The following CSMD3 variants were observed in gnomAD, a reference collection of about 807,000 sequenced individuals.
CSMD3 encodes the protein CUB and sushi domain-containing protein 3.
A neutral mutation model predicts 435.2 loss-of-function variants in CSMD3; 177 were observed. That is an observed-to-expected ratio of 0.41 (90% CI 0.36 to 0.46). CSMD3 has a LOEUF of 0.46. Among genes scored for constraint, CSMD3 ranks in the 20% least tolerant of loss-of-function variants. CSMD3 has a pLI of 0.34. For synonymous variants in CSMD3, 1,656 were observed against 1,520.5 expected, an observed-to-expected ratio of 1.09 and a Z score of -2.07; for missense variants, 4,265 against 4,504.6, an observed-to-expected ratio of 0.95 and a Z score of 1.52.
rs570354408 is a variant in CSMD3, at chr8:113,073,065, C to A, written c.917+25691G>T. Among the ~76,000 whole-genome samples, 8 of 151,832 alleles carry A rather than the reference C, an allele frequency of 5.3e-5. No individual in the cohort carries two copies. The East Asian group carries it at 1.4e-3, about 26-fold the overall frequency. The stretch of plus-strand genomic sequence containing the variant: ...AATGCATTACTAAATATATCAAATT[C>A]ATTATAATCAGGAAATCTCTCCCGA... On this transcript the variant is annotated intron_variant, in intron 5 of 70. Transcript: ENST00000297405.
rs79181937 is a variant in CSMD3, at chr8:112,709,299, G to A, written c.1973-19249C>T. 3.7e-3 allele frequency among the ~76,000 whole-genome samples: 565 copies of A among 152,028 alleles called. 4 individuals carry two copies. The highest frequency in any genetic ancestry group is 0.012 in the African/African-American group (496 of 41,490). ...TATTTAATGGCCCATTAACCAGTAC[G>A]ACTTTTATATTGAAAAATAGGTGTA... On this transcript the variant is annotated intron_variant, in intron 13 of 70. Transcript: ENST00000297405.
chr8:112,776,031 A>G (rs1180899114), intron 13 of CSMD3, among the ~76,000 whole-genome samples: 1 of 151,862 alleles, frequency 6.6e-6, no homozygotes, highest in African/African-American at 2.4e-5. Flanking sequence ...AAATGTTAGG[A>G]TCTGTCTCAT....
At position 112,799,767 on chromosome 8, in the gene CSMD3, A is replaced by C. The variant is rs577867015; in HGVS notation, c.1972+395T>G. On this transcript the variant is annotated intron_variant, in intron 13 of 70. Transcript: ENST00000297405. ...ATAGATTACAAAAAAAGATTTGTAC[A>C]TTGGAATATTTAGGGATTTCAGACC... 3.9e-5 allele frequency among the ~76,000 whole-genome samples: 6 copies of C among 152,092 alleles called. No individual in the cohort carries two copies. The East Asian group carries it at 9.7e-4, about 25-fold the overall frequency.
chr8:113,013,632 C>G (rs1255842650), intron 6 of CSMD3, among the ~76,000 whole-genome samples: 2 of 152,100 alleles, frequency 1.3e-5, no homozygotes, highest in East Asian at 1.9e-4. Flanking sequence ...CCTAAAAGGA[C>G]AGGAACCAGG....
chr8:113,386,504 C>T (rs1337118639), intron 1 of CSMD3, among the ~76,000 whole-genome samples: 1 of 151,980 alleles, frequency 6.6e-6, no homozygotes, highest in East Asian at 1.9e-4. Context: ...GTCATCCCTG[C>T]ACTCTTTTTG....
chr8:112,650,813 T>C (rs6469433), intron 18 of CSMD3, among the ~76,000 whole-genome samples: 80,414 of 151,684 alleles, frequency 0.53, 22,363 homozygotes, highest in African/African-American at 0.71. Flanking sequence ...AGCACATTTC[T>C]TCTGGTGGTT....
intron 5 of CSMD3, among the ~76,000 whole-genome samples, chr8:113,032,288 T>C (rs973730731): frequency 3.3e-5 from 5 of 151,526 alleles, no homozygotes; most frequent in African/African-American, 1.2e-4. Flanking sequence ...GGAACTTCCT[T>C]GAGACTTGTT....
intron 3 of CSMD3, among the ~76,000 whole-genome samples, chr8:113,262,273 A>G (rs2093433138): frequency 6.6e-6 from 1 of 152,116 alleles, no homozygotes; most frequent in South Asian, 2.1e-4. Flanking sequence ...TATGAAGAAT[A>G]CATTGACTAT....
chr8:113,235,948 T>C (rs1411627818), intron 3 of CSMD3, among the ~76,000 whole-genome samples: 1 of 152,118 alleles, frequency 6.6e-6, no homozygotes, highest in Non-Finnish European at 1.5e-5. Context: ...AAGCCCCTTA[T>C]TCCTGATGTA....
At chr8:112,228,942 A>T (rs766943167) in intron 69 of CSMD3, 51 bp from the exon 70 acceptor site, 1 of 982,216 alleles carries the variant, frequency 1.0e-6, no homozygotes, top group South Asian at 1.4e-5. Context: ...ATCATAATTA[A>T]TTTCTACTCC....
chr8:112,775,511 ATTC>A (rs1334691680), intron 13 of CSMD3, among the ~76,000 whole-genome samples: 2 of 115,990 alleles, frequency 1.7e-5, no homozygotes, highest in South Asian at 3.1e-4. Context: ...AGTTGTAATC[ATTC>A]TTCTTTTATT....
At position 112,244,374 on chromosome 8, in the gene CSMD3, A is replaced by G. The variant is rs777187349; in HGVS notation, c.10402+20T>C. Reference sequence around the variant, plus strand: ...TAGTGCAATCTCTTGTGTTAAAAAGATTCTATAGAGAAAACTTACCTTCAC... The same window carrying G: ...TAGTGCAATCTCTTGTGTTAAAAAGGTTCTATAGAGAAAACTTACCTTCAC... On this transcript the variant is annotated intron_variant, in intron 65 of 70. Coordinates refer to ENST00000297405, the MANE Select transcript of CSMD3 (RefSeq NM_198123.2). 17 of 1,599,340 alleles carry G rather than the reference A, an allele frequency of 1.1e-5. No individual in the cohort carries two copies. Among genetic ancestry groups the G allele is most frequent in the Non-Finnish European group, 1.4e-5 (16 of 1,167,282 alleles).
chr8:112,410,723 T>C (rs183674154), intron 32 of CSMD3, among the ~76,000 whole-genome samples: 2 of 143,888 alleles, frequency 1.4e-5, no homozygotes, highest in African/African-American at 2.5e-5. Context: ...TATGTATATA[T>C]ATAGGAAAGG....
In CSMD3 at chr8:112,314,573, T is replaced by G; in HGVS notation, c.7405A>C (p.Ile2469Leu). ...NELRLDSTGV[I>L]LSPGYPDSYP... Reference sequence around the variant, plus strand: ...CTGTCAGGATATCCAGGGCTCAATATGACTCCAGTAGAATCTAGCCGTAAT... The same window carrying G: ...CTGTCAGGATATCCAGGGCTCAATAGGACTCCAGTAGAATCTAGCCGTAAT... Residue 2469 changes from isoleucine (I) to leucine (L), a missense_variant, in exon 48 of 71, where the codon ATA becomes CTA. Transcript: ENST00000297405. The G allele has an allele frequency of 6.2e-7, 1 of 1,612,982 alleles. No individual in the cohort carries two copies.
At chr8:112,904,418 C>G (rs1380139) in intron 10 of CSMD3, among the ~76,000 whole-genome samples, 6 of 151,256 alleles carry the variant, frequency 4.0e-5, no homozygotes, top group African/African-American at 7.3e-5. Context: ...TGATTTAAAA[C>G]AAATAAATAC....
chr8:112,902,276 T>C (rs192640332), intron 10 of CSMD3, among the ~76,000 whole-genome samples: 2 of 151,316 alleles, frequency 1.3e-5, no homozygotes, highest in East Asian at 2.0e-4. Flanking sequence ...GTCTGACCCA[T>C]AGTTATTGTG....
intron 5 of CSMD3, among the ~76,000 whole-genome samples, chr8:113,072,442 T>C (rs2131410365): frequency 6.6e-6 from 1 of 151,866 alleles, no homozygotes; most frequent in Admixed American, 6.6e-5. Flanking sequence ...GTCTTTCATA[T>C]ATGGTCTTTA....
chr8:113,315,332 G>A (rs2093901091), intron 1 of CSMD3, among the ~76,000 whole-genome samples: 1 of 152,046 alleles, frequency 6.6e-6, no homozygotes, highest in Admixed American at 6.6e-5. Flanking sequence ...TAAAGTCTAT[G>A]AAATGGCTCT....
chr8:112,600,959 G>A (rs1313085382), intron 22 of CSMD3, among the ~76,000 whole-genome samples: 1 of 151,932 alleles, frequency 6.6e-6, no homozygotes, highest in East Asian at 1.9e-4. Flanking sequence ...GTGAGCCACC[G>A]CGCCCGGTCC....
Sources: allele counts gnomAD v4.1 joint callset (sites outside exome capture counted in the v4.1 genomes callset), GRCh38; gene constraint gnomAD v4.1.1; transcripts MANE v1.5; gene names NCBI Gene and HGNC (gene_info 2026-07-23, HGNC 2026-07-21).